The following ETV1 variants were observed in gnomAD, a reference collection of about 807,000 sequenced individuals.
ETV1 encodes the protein ETS translocation variant 1.
In ETV1, 27 loss-of-function variants were observed where a neutral mutation model predicts 62.3. The observed-to-expected ratio is 0.43, with a 90% confidence interval of 0.32 to 0.60. The LOEUF (loss-of-function observed/expected upper bound fraction) is 0.60, where lower values mean the gene tolerates loss of function less well. ETV1 is among the 20% of genes least tolerant of loss of function. The probability of loss-of-function intolerance (pLI) is 0.06; values close to 1 mark genes in which losing one functional copy is unlikely to be tolerated. For missense variants in ETV1, 605 were observed against 605.8 expected, an observed-to-expected ratio of 1.00 and a Z score of 0.01; for synonymous variants, 222 against 199.6, an observed-to-expected ratio of 1.11 and a Z score of -0.94.
chr7:13,937,338 G>T (rs150608414), intron 7 of ETV1, among the ~76,000 whole-genome samples: 2 of 152,134 alleles, frequency 1.3e-5, no homozygotes, highest in South Asian at 2.1e-4. Context: ...TTGTGAAATG[G>T]TTCACCTAAC....
chr7:13,937,013 G>A (rs909232252), intron 7 of ETV1, among the ~76,000 whole-genome samples: 1 of 151,886 alleles, frequency 6.6e-6, no homozygotes, highest in Non-Finnish European at 1.5e-5. Flanking sequence ...CTGCACTCCA[G>A]CCTGGCTGAC....
chr7:13,932,875 TAAAG>T (rs1166085418), intron 8 of ETV1, among the ~76,000 whole-genome samples: 1 of 152,192 alleles, frequency 6.6e-6, no homozygotes, highest in Non-Finnish European at 1.5e-5. Flanking sequence ...AGGTAAAAGC[TAAAG>T]AATGGCAAAG....
chr7:13,942,468 G>A (rs182137000), intron 6 of ETV1, among the ~76,000 whole-genome samples: 3 of 152,136 alleles, frequency 2.0e-5, no homozygotes, highest in African/African-American at 4.8e-5. Flanking sequence ...AGGTAAGCTC[G>A]TGTCATGGGG....
At chr7:13,965,159 G>A (rs1216462806) in intron 6 of ETV1, among the ~76,000 whole-genome samples, 1 of 152,196 alleles carries the variant, frequency 6.6e-6, no homozygotes, top group South Asian at 2.1e-4. Context: ...CATAAACAAC[G>A]CATAAATACA....
At chr7:13,969,792 T>G (rs538835960) in intron 6 of ETV1, among the ~76,000 whole-genome samples, 4 of 152,092 alleles carry the variant, frequency 2.6e-5, no homozygotes, top group African/African-American at 9.7e-5. Flanking sequence ...GGACAACAGG[T>G]AAAATCTAAA....
intron 6 of ETV1, among the ~76,000 whole-genome samples, chr7:13,963,462 T>C (rs2128485433): frequency 6.6e-6 from 1 of 151,868 alleles, no homozygotes; most frequent in East Asian, 1.9e-4. Flanking sequence ...TTCATGTGTG[T>C]TTTACTATAT....
intron 6 of ETV1, among the ~76,000 whole-genome samples, chr7:13,941,863 G>GAATAAATA (rs111978808): frequency 5.6e-4 from 81 of 145,878 alleles, no homozygotes; most frequent in Non-Finnish European, 6.9e-4. Context: ...ATTCTGCCTC[G>GAATAAATA]AATAAATAAA....
intron 6 of ETV1, among the ~76,000 whole-genome samples, chr7:13,974,198 G>T (rs1010110678): frequency 2.0e-5 from 3 of 152,206 alleles, no homozygotes; most frequent in East Asian, 1.9e-4. Context: ...GAAATAGGAG[G>T]TTCACCAGAT....
chr7:13,900,305 G>C (rs1482839659), intron 13 of ETV1: 1 of 154,014 alleles, frequency 6.5e-6, no homozygotes. Context: ...GGAAGAAAAT[G>C]TTTTCACAAA....
chr7:13,905,081 G>A (rs1782821401), intron 12 of ETV1, among the ~76,000 whole-genome samples: 1 of 151,452 alleles, frequency 6.6e-6, no homozygotes, highest in Non-Finnish European at 1.5e-5. Context: ...TAAACTGAAG[G>A]AGACTTGACT....
In ETV1 at chr7:13,895,677, C is replaced by A. The variant is rs926350784; in HGVS notation, c.*189G>T. The A allele has an allele frequency of 1.7e-6, 1 of 574,390 alleles. No homozygotes were observed. The highest frequency in any genetic ancestry group is 3.0e-5 in the Admixed American group (1 of 33,500). The allele number at this position is 574,390 out of a possible 1,614,324, so 35.6% of individuals were successfully genotyped here. ...AGAATAAATGTTTAGATTACTCCCA[C>A]CCACCCTCAAATAAAGTGCACAGTC... On this transcript the variant is annotated 3_prime_UTR_variant, in exon 14 of 14. Coordinates refer to ENST00000430479, the MANE Select transcript of ETV1 (RefSeq NM_004956.5).
chr7:13,980,548 A>G (rs995229083), intron 5 of ETV1, among the ~76,000 whole-genome samples: 11 of 152,290 alleles, frequency 7.2e-5, no homozygotes, highest in Admixed American at 7.2e-4. Flanking sequence ...ATGTAATTAA[A>G]GACGAAGGGG....
At chr7:13,979,480 A>T (rs1781773865) in intron 5 of ETV1, among the ~76,000 whole-genome samples, 1 of 151,918 alleles carries the variant, frequency 6.6e-6, no homozygotes, top group South Asian at 2.1e-4. Flanking sequence ...GTTCTAAAAG[A>T]TTCATAAATT....
At chr7:13,988,387 C>A in intron 3 of ETV1, 1 of 580,496 alleles carries the variant, frequency 1.7e-6, no homozygotes, top group Non-Finnish European at 3.0e-6. Flanking sequence ...GGGAGAGTTG[C>A]TTCCCAGTGC....
intron 8 of ETV1, among the ~76,000 whole-genome samples, chr7:13,932,319 G>A (rs986753066): frequency 5.9e-5 from 9 of 152,044 alleles, no homozygotes; most frequent in African/African-American, 1.2e-4. Flanking sequence ...TTAACATTGC[G>A]TTCTAGTAAG....
intron 12 of ETV1, 61 bp downstream of exon 12, chr7:13,906,369 G>C: frequency 9.0e-7 from 1 of 1,115,890 alleles, no homozygotes; most frequent in Non-Finnish European, 1.2e-6. Flanking sequence ...TTAATCAAAT[G>C]TGTCAGTTTC....
chr7:13,960,170 T>C (rs1790001652), intron 6 of ETV1, among the ~76,000 whole-genome samples: 1 of 152,170 alleles, frequency 6.6e-6, no homozygotes, highest in South Asian at 2.1e-4. Context: ...TACATCTGTC[T>C]AGGGAAGATA....
intron 8 of ETV1, among the ~76,000 whole-genome samples, chr7:13,934,074 T>C (rs951107122): frequency 6.6e-6 from 1 of 152,198 alleles, no homozygotes; most frequent in Non-Finnish European, 1.5e-5. Context: ...ACTTGGTTTG[T>C]TCATATTTTT....
Position 13,928,512 on chromosome 7 carries a change from G to A in ETV1, c.802+2990C>T, listed in dbSNP as rs535096143. ...GCCTGTAATCCCAGCTACTCCGGAG[G>A]CTGAGGGAGGAGAATCGCTTGAACC... On this transcript the variant is annotated intron_variant, in intron 9 of 13. Coordinates refer to ENST00000430479, the MANE Select transcript of ETV1 (RefSeq NM_004956.5). Among the ~76,000 whole-genome samples, 5 of 152,278 alleles carry A rather than the reference G, an allele frequency of 3.3e-5. No individual in the cohort carries two copies. The East Asian group carries it at 9.7e-4, about 29-fold the overall frequency.
Sources: allele counts gnomAD v4.1 joint callset (sites outside exome capture counted in the v4.1 genomes callset), GRCh38; gene constraint gnomAD v4.1.1; transcripts MANE v1.5; gene names NCBI Gene and HGNC (gene_info 2026-07-23, HGNC 2026-07-21).